The following COLEC10 variants were observed in gnomAD, a reference collection of about 807,000 sequenced individuals.
COLEC10 encodes collectin subfamily member 10, also known as collectin-10.
In COLEC10, 22 loss-of-function variants were observed where a neutral mutation model predicts 28.4. The ratio of observed to expected loss-of-function variants is 0.78; its 90% CI spans 0.55 to 1.11. The LOEUF (loss-of-function observed/expected upper bound fraction) is 1.11, where lower values mean the gene tolerates loss of function less well. COLEC10 is among the 50% of genes least tolerant of loss of function. The pLI, the probability that COLEC10 is intolerant of heterozygous loss-of-function variation, is 0.00. For missense variants in COLEC10, 361 were observed against 344.1 expected (o/e 1.05, Z -0.39); for synonymous variants, 125 against 116.1 (o/e 1.08, Z -0.49).
chr8:119,083,727 T>TAAATAATTTATC (rs1440290244), intron 1 of COLEC10, among the ~76,000 whole-genome samples: 2 of 152,138 alleles, frequency 1.3e-5, no homozygotes, highest in African/African-American at 4.8e-5. Context: ...AATGTAAGTT[T>TAAATAATTTATC]AAATAATTTA....
chr8:118,963,751 A>T, the COLEC10 span, among the ~76,000 whole-genome samples: 1 of 152,126 alleles, frequency 6.6e-6, no homozygotes, highest in African/African-American at 2.4e-5. Flanking sequence ...GTCTTTCCAC[A>T]GAGTATAAGC....
chr8:119,075,964 G>T lies in COLEC10; in HGVS notation c.148+8535G>T, dbSNP rs1289259651. Among the ~76,000 whole-genome samples the T allele has an allele frequency of 2.2e-5, 3 of 136,610 alleles. No homozygotes were observed. In the East Asian group the frequency reaches 6.4e-4, roughly 29 times the overall value. The allele number at this position is 136,610 out of a possible 152,430, so 89.6% of individuals were successfully genotyped here. ...CACCTAGGCTGGAGTGCAGTGGTGC[G>T]ATCTCGGCTCACTGCAAGCTCCGCC... On this transcript the variant is annotated intron_variant, in intron 1 of 5. Coordinates refer to ENST00000332843, the MANE Select transcript of COLEC10 (RefSeq NM_006438.5).
chr8:118,969,257 C>A, the COLEC10 span, among the ~76,000 whole-genome samples: 1 of 151,904 alleles, frequency 6.6e-6, no homozygotes, highest in Non-Finnish European at 1.5e-5. Context: ...ACTTTGTAGC[C>A]CCATAAGACT....
chr8:118,959,053 A>G, the COLEC10 span, among the ~76,000 whole-genome samples: 1 of 152,300 alleles, frequency 6.6e-6, no homozygotes, highest in East Asian at 1.9e-4. Context: ...GCTTCCAAAC[A>G]ACCTGGTACT....
At chr8:118,961,170 A>G in the COLEC10 span, among the ~76,000 whole-genome samples, 1 of 152,226 alleles carries the variant, frequency 6.6e-6, no homozygotes, top group Non-Finnish European at 1.5e-5. Context: ...TTCCTACTAT[A>G]GTGATAAGGA....
At chr8:119,061,893 C>T (rs1020136909) in intron 2 of COLEC10, among the ~76,000 whole-genome samples, 2 of 152,012 alleles carry the variant, frequency 1.3e-5, no homozygotes, top group Admixed American at 6.6e-5. Context: ...TGAGGGTTCC[C>T]AAAGAAATTT....
At chr8:119,026,896 A>G (rs1207982595) in intron 2 of COLEC10, among the ~76,000 whole-genome samples, 2 of 152,104 alleles carry the variant, frequency 1.3e-5, no homozygotes, top group African/African-American at 4.8e-5. Context: ...GCCCCTGGGA[A>G]GGGGAGCATG....
At chr8:119,067,946 T>A (rs1192003264) in intron 1 of COLEC10, 1 of 152,284 alleles carries the variant, frequency 6.6e-6, no homozygotes, top group Non-Finnish European at 1.5e-5. Flanking sequence ...GAAGGTAGTA[T>A]ATAAATGAAC....
chr8:118,979,793 G>T, the COLEC10 span, among the ~76,000 whole-genome samples: 1 of 152,234 alleles, frequency 6.6e-6, no homozygotes, highest in African/African-American at 2.4e-5. Flanking sequence ...TAGCTTTCTA[G>T]CTTGAATTCT....
At chr8:119,087,361 T>C (rs752737957) in intron 1 of COLEC10, among the ~76,000 whole-genome samples, 2 of 152,116 alleles carry the variant, frequency 1.3e-5, no homozygotes, top group Non-Finnish European at 2.9e-5. Flanking sequence ...AGAGGGAGAA[T>C]TTAGCCCAGT....
chr8:118,972,742 C>G, the COLEC10 span, among the ~76,000 whole-genome samples: 1 of 151,896 alleles, frequency 6.6e-6, no homozygotes, highest in East Asian at 1.9e-4. Context: ...CTAGCATAAT[C>G]ATTACTGTAC....
At chr8:119,072,487 T>C (rs1422557849) in intron 1 of COLEC10, among the ~76,000 whole-genome samples, 1 of 152,120 alleles carries the variant, frequency 6.6e-6, no homozygotes, top group Non-Finnish European at 1.5e-5. Context: ...ATTGAACAGA[T>C]GAAGGAATTG....
intron 2 of COLEC10, among the ~76,000 whole-genome samples, chr8:119,053,681 A>T (rs1457173757): frequency 1.1e-5 from 1 of 93,748 alleles, no homozygotes; most frequent in Non-Finnish European, 2.0e-5. Flanking sequence ...AATTAAAAAA[A>T]AAGGTGGGGG....
At chr8:118,958,588 A>G in the COLEC10 span, among the ~76,000 whole-genome samples, 1 of 152,088 alleles carries the variant, frequency 6.6e-6, no homozygotes, top group Non-Finnish European at 1.5e-5. Flanking sequence ...CTGCCCAGGA[A>G]AAAAAAAGTG....
At chr8:118,967,325 A>G in the COLEC10 span, among the ~76,000 whole-genome samples, 2,989 of 152,248 alleles carry the variant, frequency 0.02, 92 homozygotes, top group African/African-American at 0.066. Flanking sequence ...AAATGGAAAG[A>G]AAACCAAAGT....
chr8:119,051,804 T>G (rs16891916), intron 2 of COLEC10, among the ~76,000 whole-genome samples: 9,045 of 152,252 alleles, frequency 0.059, 327 homozygotes, highest in East Asian at 0.16. Context: ...AGCGATAAAG[T>G]TAAAGATTCT....
chr8:119,100,348 A>C (rs1815799563), intron 3 of COLEC10, among the ~76,000 whole-genome samples: 1 of 152,192 alleles, frequency 6.6e-6, no homozygotes, highest in African/African-American at 2.4e-5. Context: ...CATGAGATTT[A>C]ATGTGATAAT....
intron 2 of COLEC10, among the ~76,000 whole-genome samples, chr8:119,048,153 G>T (rs1050316421): frequency 6.6e-6 from 1 of 151,942 alleles, no homozygotes; most frequent in East Asian, 1.9e-4. Context: ...CTCCTTCCCC[G>T]CCTCTAGCAG....
the COLEC10 span, among the ~76,000 whole-genome samples, chr8:118,967,991 C>A: frequency 2.0e-5 from 3 of 151,780 alleles, no homozygotes; most frequent in African/African-American, 4.8e-5. Context: ...GCATTTCGTG[C>A]AAGAAGAGGA....
Sources: gnomAD v4.1 joint callset for allele counts (sites outside exome capture counted in the v4.1 genomes callset) on GRCh38, gnomAD v4.1.1 for gene constraint, MANE v1.5 for transcripts, NCBI Gene and HGNC (gene_info 2026-07-23, HGNC 2026-07-21) for gene names.